Variants in MPND observed in about 807,000 individuals in gnomAD.
MPND encodes the protein MPN domain-containing protein.
MPND carries 56 observed loss-of-function variants against 59.2 expected under a neutral mutation model. The observed-to-expected ratio is 0.95, with a 90% CI of 0.76 to 1.18. MPND has a LOEUF of 1.18. MPND is among the 50% of genes most tolerant of loss of function. The pLI, the probability that MPND is intolerant of heterozygous loss-of-function variation, is 0.00. For missense variants in MPND, 671 were observed against 676.0 expected, an observed-to-expected ratio of 0.99 and a Z score of 0.08; for synonymous variants, 323 against 291.9, an observed-to-expected ratio of 1.11 and a Z score of -1.09.
In MPND at chr19:4,355,002, C is replaced by T. The variant is rs764642079; in HGVS notation, c.900C>T (p.Arg300=). 4.7e-6 allele frequency: 7 copies of T among 1,488,624 alleles called. No homozygotes were observed. In the Admixed American group the frequency reaches 1.2e-4, roughly 25 times the overall value. 92.2% of individuals were successfully genotyped at this position (1,488,624 alleles called of 1,614,324 possible). ...AGGTCGTGGGTTACCTGGGGGGCCG[C>T]TGGGACGTCAACAGCCAGAGTGGGT... ...RSEVVGYLGG[R]WDVNSQMLTV... is the part of the protein sequence containing the mutation. Residue 300 remains arginine, a synonymous_variant, in exon 7 of 13, where the codon CGC becomes CGT. Transcript: ENST00000599840.
intron 7 of MPND, 29 bp from the exon 8 acceptor site, chr19:4,355,068 C>T: frequency 2.5e-6 from 4 of 1,612,934 alleles, no homozygotes; most frequent in Non-Finnish European, 3.4e-6. Context: ...GGACCGGGGT[C>T]ACGGGGTCAC....
chr19:4,359,318 A>G, intron 12 of MPND, 63 bp downstream of exon 12: 1 of 1,264,490 alleles, frequency 7.9e-7, no homozygotes, highest in African/African-American at 1.5e-5. Context: ...TGGGCAGCCT[A>G]AAAGGTGGCA....
chr19:4,359,179 TCTA>T lies in MPND; in HGVS notation c.1345_1347del (p.Tyr449del), dbSNP rs1200024027. Reference sequence around the variant, plus strand: ...GTCCTGTAGATGCTGCTGGTGGAGTTCTACAAGGGTTCCCCTGACCTCGTGAGG... The same window carrying T: ...GTCCTGTAGATGCTGCTGGTGGAGTTCAAGGGTTCCCCTGACCTCGTGAGG... On this transcript the variant is annotated inframe_deletion, in exon 12 of 13. Transcript: ENST00000599840. The T allele has an allele frequency of 6.2e-7, 1 of 1,612,882 alleles. No homozygotes were observed. Among genetic ancestry groups the T allele is most frequent in the Admixed American group, 1.7e-5 (1 of 59,980 alleles).
At chr19:4,349,871 A>G (rs1433855954) in intron 3 of MPND, among the ~76,000 whole-genome samples, 1 of 152,166 alleles carries the variant, frequency 6.6e-6, no homozygotes, top group Non-Finnish European at 1.5e-5. Flanking sequence ...ACATGTAACA[A>G]ATGCCATCGC....
At chr19:4,352,770 C>G in intron 3 of MPND, 127 bp from the exon 4 acceptor site, 2 of 928,962 alleles carry the variant, frequency 2.2e-6, no homozygotes, top group Non-Finnish European at 2.9e-6. Context: ...CCCTCCCTCC[C>G]TCTAGTGGTC....
intron 8 of MPND, among the ~76,000 whole-genome samples, chr19:4,356,088 G>A (rs1053752404): frequency 1.3e-5 from 2 of 151,282 alleles, no homozygotes; most frequent in Non-Finnish European, 2.9e-5. Context: ...TCCTGACCTC[G>A]TGATCCACCC....
At position 4,352,906 on chromosome 19, in the gene MPND, A is replaced by G. The variant is rs1440724008; in HGVS notation, c.541A>G (p.Ser181Gly). 6.5e-6 allele frequency: 9 copies of G among 1,386,076 alleles called. No individual in the cohort carries two copies. The highest frequency in any genetic ancestry group is 1.5e-5 in the African/African-American group (1 of 67,500). 85.9% of individuals were successfully genotyped at this position (1,386,076 alleles called of 1,614,324 possible). Residue 181 changes from serine (S) to glycine (G), a missense_variant, in exon 4 of 13, where the codon AGT becomes GGT. Coordinates refer to ENST00000599840, the MANE Select transcript of MPND (RefSeq NM_001300862.2). ...CCCCTAACCCCTGCAGAGCCCAGCC[A>G]GTGAAGGGGAGGAGGAGGAGTTGCT... ...PATAADESPASEGEEEELLME... is the reference protein window; with the variant it reads ...PATAADESPAGEGEEEELLME...
intron 8 of MPND, among the ~76,000 whole-genome samples, chr19:4,355,480 T>C (rs569765518): frequency 2.6e-4 from 40 of 152,052 alleles, no homozygotes; most frequent in Non-Finnish European, 4.7e-4. Flanking sequence ...GGACTACAGG[T>C]GCCTGCCACC....
intron 12 of MPND, 151 bp downstream of exon 12, chr19:4,359,406 C>A (rs144224824): frequency 1.6e-6 from 1 of 610,710 alleles, no homozygotes; most frequent in East Asian, 2.8e-5. Context: ...CCGTGGCCAC[C>A]CCAGCAGGGT....
Position 4,345,770 on chromosome 19 carries a change from A to G in MPND, c.320A>G (p.Gln107Arg). The G allele has an allele frequency of 1.2e-6, 2 of 1,613,954 alleles. No homozygotes were observed. Among genetic ancestry groups the G allele is most frequent in the African/African-American group, 2.7e-5 (2 of 75,046 alleles). The change falls in exon 3 of 13, where the codon CAG becomes CGG. Residue 107 changes from glutamine (Q) to arginine (R), a missense_variant. By Grantham distance (43) the Gln-to-Arg change is conservative. Coordinates refer to ENST00000599840, the MANE Select transcript of MPND (RefSeq NM_001300862.2). ...GGGAAGAAGTTCCTGGGCGACCTGC[A>G]GCCAGACGGAAGGATCATGTGGCAG... Reference protein sequence around the residue: ...YLGKKFLGDLQPDGRIMWQET... With the variant: ...YLGKKFLGDLRPDGRIMWQET...
intron 6 of MPND, 86 bp downstream of exon 6, chr19:4,354,506 A>G (rs904935334): frequency 1.9e-6 from 2 of 1,076,086 alleles, no homozygotes. Context: ...TATCAGCTCC[A>G]TGAGAGCTGG....
chr19:4,353,094 G>C (rs374039775), intron 4 of MPND, 65 bp downstream of exon 4: 1 of 1,247,482 alleles, frequency 8.0e-7, no homozygotes, highest in Admixed American at 3.2e-5. Flanking sequence ...GAGGAGACTG[G>C]GGAGAGGTTG....
intron 3 of MPND, among the ~76,000 whole-genome samples, chr19:4,349,906 T>C (rs1189513300): frequency 6.6e-6 from 1 of 152,238 alleles, no homozygotes. Context: ...CAGTGTTCCA[T>C]TAAATTACCA....
chr19:4,351,443 A>G (rs1972313544), intron 3 of MPND, among the ~76,000 whole-genome samples: 2 of 152,192 alleles, frequency 1.3e-5, no homozygotes, highest in African/African-American at 4.8e-5. Context: ...CCACCTATGT[A>G]TGGTGCTGGC....
chr19:4,355,359 G>A (rs1250381274), intron 8 of MPND, among the ~76,000 whole-genome samples, 186 bp downstream of exon 8: 4 of 141,276 alleles, frequency 2.8e-5, no homozygotes, highest in Non-Finnish European at 3.0e-5. Context: ...TTTTTGAGAC[G>A]GAGTCTCGCT....
rs368803417 is a variant in MPND, at chr19:4,345,820, C to T, written c.370C>T (p.Pro124Ser). ...WQETGQTFNS[P>S]SAWATHCKKL... ...GGAGACCGGGCAGACCTTCAACTCA[C>T]CCAGCGCCTGGGCCACCCACTGCAA... The change falls in exon 3 of 13, where the codon CCC (proline) becomes TCC (serine). Residue 124 changes from proline (P) to serine (S), a missense_variant. By Grantham distance (74) the Pro-to-Ser change is moderately conservative. Coordinates refer to ENST00000599840, the MANE Select transcript of MPND (RefSeq NM_001300862.2). 6.7e-5 allele frequency: 108 copies of T among 1,613,862 alleles called. 1 individual carries two copies. Among genetic ancestry groups the T allele is most frequent in the South Asian group, 4.5e-4 (41 of 91,078 alleles).
At chr19:4,353,126 C>G (rs1196542979) in intron 4 of MPND, 97 bp downstream of exon 4, 1 of 1,014,246 alleles carries the variant, frequency 9.9e-7, no homozygotes, top group Non-Finnish European at 1.3e-6. Context: ...TCTCCTAGGG[C>G]CCCCAAGATG....
chr19:4,343,666 C>T (rs1310461477), intron 1 of MPND, 42 bp from the exon 2 acceptor site: 10 of 1,199,644 alleles, frequency 8.3e-6, no homozygotes, highest in Non-Finnish European at 1.0e-5. Context: ...GCTGCAGAGC[C>T]GTGGGGCGAG....
At chr19:4,354,927 T>C (rs373332702) in intron 6 of MPND, 22 bp from the exon 7 acceptor site, 2 of 1,569,216 alleles carry the variant, frequency 1.3e-6, no homozygotes, top group Admixed American at 1.8e-5. Flanking sequence ...AGCCAGTCTT[T>C]TGCTGTTCCT....
Sources: allele counts gnomAD v4.1 joint callset (sites outside exome capture counted in the v4.1 genomes callset), GRCh38; gene constraint gnomAD v4.1.1; transcripts MANE v1.5; gene names NCBI Gene and HGNC (gene_info 2026-07-23, HGNC 2026-07-21).